ATG10: variants seen among roughly 807,000 people sequenced by gnomAD.
ATG10 encodes autophagy related 10, also known as ubiquitin-like-conjugating enzyme ATG10.
A neutral mutation model predicts 32.1 loss-of-function variants in ATG10; 30 were observed. That is an observed-to-expected ratio of 0.94 (90% CI 0.70 to 1.27). The LOEUF is 1.27. Among genes scored for constraint, ATG10 ranks in the 50% most tolerant of loss-of-function variants. ATG10 has a pLI of 0.00. For synonymous variants in ATG10, 87 were observed against 91.5 expected (o/e 0.95, Z 0.28); for missense variants, 233 against 262.3 (o/e 0.89, Z 0.77).
At chr5:82,068,828 T>G (rs1247424160) in intron 3 of ATG10, among the ~76,000 whole-genome samples, 1 of 150,274 alleles carries the variant, frequency 6.7e-6, no homozygotes, top group African/African-American at 2.4e-5. Context: ...TCTTTTTTCA[T>G]GAAGAATTTC....
chr5:82,118,395 T>TA (rs1428122336), intron 3 of ATG10, among the ~76,000 whole-genome samples: 4 of 120,330 alleles, frequency 3.3e-5, no homozygotes, highest in Non-Finnish European at 7.2e-5. Flanking sequence ...TACATATATA[T>TA]ATATATATAT....
At chr5:82,110,323 G>T (rs1490761983) in intron 3 of ATG10, among the ~76,000 whole-genome samples, 2 of 152,078 alleles carry the variant, frequency 1.3e-5, no homozygotes. Flanking sequence ...CCAGTAATGG[G>T]ATGGCTGGGT....
chr5:82,007,434 A>G lies in ATG10; in HGVS notation c.108+19756A>G, dbSNP rs1253410425. ...ATTTCTATCAGAATATAATCAAATT[A>G]GAGAGTAAGTAATAGAATTCATATT... On this transcript the variant is annotated intron_variant, in intron 2 of 7. Coordinates refer to ENST00000282185, the MANE Select transcript of ATG10 (RefSeq NM_031482.5). Among the ~76,000 whole-genome samples the G allele has an allele frequency of 2.6e-5, 4 of 152,224 alleles. No individual in the cohort carries two copies. In the East Asian group the frequency reaches 7.7e-4, roughly 29 times the overall value.
intron 3 of ATG10, among the ~76,000 whole-genome samples, chr5:82,133,035 ATTC>A (rs974988123): frequency 6.6e-6 from 1 of 152,072 alleles, no homozygotes; most frequent in African/African-American, 2.4e-5. Flanking sequence ...GAATAAATGT[ATTC>A]TTTTGAGGAG....
intron 2 of ATG10, among the ~76,000 whole-genome samples, chr5:82,004,405 A>G (rs1761933458): frequency 6.6e-6 from 1 of 152,170 alleles, no homozygotes; most frequent in South Asian, 2.1e-4. Context: ...CCGAAGTTGA[A>G]TCTGAATAGA....
chr5:82,110,519 G>C (rs993154600), intron 3 of ATG10, among the ~76,000 whole-genome samples: 2 of 152,090 alleles, frequency 1.3e-5, no homozygotes, highest in Admixed American at 1.3e-4. Context: ...GTATCTCATT[G>C]TGGTTTTGAT....
chr5:82,057,143 T>C (rs146340422), intron 2 of ATG10, among the ~76,000 whole-genome samples: 1 of 152,286 alleles, frequency 6.6e-6, no homozygotes, highest in East Asian at 1.9e-4. Context: ...GAGTTGGATC[T>C]AACCAATCAA....
chr5:81,975,275 TCTTTA>T (rs1760836683), intron 1 of ATG10, among the ~76,000 whole-genome samples: 1 of 152,240 alleles, frequency 6.6e-6, no homozygotes, highest in Non-Finnish European at 1.5e-5. Flanking sequence ...TCAATGTGAA[TCTTTA>T]CTTAAAAATT....
chr5:82,118,089 C>CGA (rs1765878982), intron 3 of ATG10, among the ~76,000 whole-genome samples: 1 of 151,516 alleles, frequency 6.6e-6, no homozygotes, highest in Non-Finnish European at 1.5e-5. Context: ...TAAATGGAAC[C>CGA]AGTAAGAATA....
At chr5:82,028,451 A>G (rs1014055334) in intron 2 of ATG10, among the ~76,000 whole-genome samples, 1 of 152,216 alleles carries the variant, frequency 6.6e-6, no homozygotes, top group African/African-American at 2.4e-5. Context: ...ACTGCAAAAA[A>G]AGGCATAATG....
At chr5:82,146,117 GTTTCT>G (rs1767348058) in intron 3 of ATG10, among the ~76,000 whole-genome samples, 1 of 151,934 alleles carries the variant, frequency 6.6e-6, no homozygotes, top group Non-Finnish European at 1.5e-5. Flanking sequence ...GAACTTCCTT[GTTTCT>G]ATAGTACAGG....
At chr5:82,067,808 C>T (rs1016047733) in intron 3 of ATG10, among the ~76,000 whole-genome samples, 5 of 152,148 alleles carry the variant, frequency 3.3e-5, no homozygotes, top group African/African-American at 9.7e-5. Flanking sequence ...TGTAAAGATA[C>T]GTGCCACAGC....
At chr5:82,217,953 G>A (rs370141002) in intron 5 of ATG10, among the ~76,000 whole-genome samples, 6 of 151,318 alleles carry the variant, frequency 4.0e-5, no homozygotes, top group East Asian at 1.9e-4. Context: ...CTCTAGCCTG[G>A]GCAACAGATC....
chr5:82,077,871 G>A (rs1343690658), intron 3 of ATG10, among the ~76,000 whole-genome samples: 1 of 152,154 alleles, frequency 6.6e-6, no homozygotes, highest in East Asian at 1.9e-4. Flanking sequence ...CTTGTCTGGA[G>A]TATTTTGTTG....
chr5:81,972,617 A>C (rs1396718824), intron 1 of ATG10: 2 of 152,246 alleles, frequency 1.3e-5, no homozygotes, highest in African/African-American at 4.8e-5. Context: ...TTTGTGTTTA[A>C]AATCCACATA....
intron 3 of ATG10, among the ~76,000 whole-genome samples, chr5:82,151,890 A>G (rs1392423527): frequency 6.6e-6 from 1 of 152,316 alleles, no homozygotes; most frequent in Non-Finnish European, 1.5e-5. Flanking sequence ...ATCATGATTT[A>G]CTAAGTACAC....
chr5:82,253,081 C>T (rs1747327783), intron 6 of ATG10, among the ~76,000 whole-genome samples: 1 of 152,204 alleles, frequency 6.6e-6, no homozygotes. Flanking sequence ...GAGCCAGTAC[C>T]TTACCTCATT....
At chr5:82,053,706 C>G (rs1763499073) in intron 2 of ATG10, among the ~76,000 whole-genome samples, 1 of 152,038 alleles carries the variant, frequency 6.6e-6, no homozygotes, top group South Asian at 2.1e-4. Flanking sequence ...CTGGACATTT[C>G]TTATTAATTA....
intron 2 of ATG10, chr5:81,992,348 C>T (rs1761489020): frequency 1.3e-5 from 2 of 151,782 alleles, no homozygotes; most frequent in South Asian, 2.1e-4. Flanking sequence ...GTCACTCATA[C>T]AATCACTTTG....
Sources: allele counts gnomAD v4.1 joint callset (sites outside exome capture counted in the v4.1 genomes callset), GRCh38; gene constraint gnomAD v4.1.1; transcripts MANE v1.5; gene names NCBI Gene and HGNC (gene_info 2026-07-23, HGNC 2026-07-21).